Variants in FCHSD2 observed in about 807,000 individuals in gnomAD.
The protein encoded by FCHSD2 is FCH and double SH3 domains 2, also known as F-BAR and double SH3 domains protein 2.
A neutral mutation model predicts 108.1 loss-of-function variants in FCHSD2; 38 were observed. The observed-to-expected ratio is 0.35, with a 90% CI of 0.27 to 0.46. The LOEUF (loss-of-function observed/expected upper bound fraction) is 0.46, where lower values mean the gene tolerates loss of function less well. Ranked by LOEUF, FCHSD2 falls within the 20% of genes least tolerant of loss-of-function variation. The pLI, the probability that FCHSD2 is intolerant of heterozygous loss-of-function variation, is 1.00. For missense variants in FCHSD2, 751 were observed against 897.8 expected (o/e 0.84, Z 2.09); for synonymous variants, 279 against 314.7 (o/e 0.89, Z 1.20).
intron 3 of FCHSD2, among the ~76,000 whole-genome samples, chr11:73,019,757 AT>A (rs959795577): frequency 4.6e-5 from 7 of 152,174 alleles, no homozygotes; most frequent in Non-Finnish European, 7.4e-5. Context: ...AATATTGCAC[AT>A]TTCTGAAAGC....
At chr11:72,897,866 A>T (rs1855453916) in intron 10 of FCHSD2, among the ~76,000 whole-genome samples, 1 of 152,210 alleles carries the variant, frequency 6.6e-6, no homozygotes, top group South Asian at 2.1e-4. Context: ...ATTCTGCATT[A>T]AAAAGTCATT....
chr11:73,127,855 G>C (rs890473096), intron 2 of FCHSD2, among the ~76,000 whole-genome samples: 1 of 151,768 alleles, frequency 6.6e-6, no homozygotes, highest in Non-Finnish European at 1.5e-5. Flanking sequence ...GGGTTGGGGG[G>C]CGGGGGTGGG....
intron 8 of FCHSD2, among the ~76,000 whole-genome samples, chr11:72,975,699 A>C (rs1468519678): frequency 6.6e-6 from 1 of 152,166 alleles, no homozygotes; most frequent in Non-Finnish European, 1.5e-5. Context: ...TCATTTGATC[A>C]AAAAAAGTCT....
Position 72,902,619 on chromosome 11 carries a change from A to C in FCHSD2, c.848T>G (p.Leu283Arg). Reference protein sequence around the residue: ...NSSKVVRDYNLQLFLQENAVF... With the variant: ...NSSKVVRDYNRQLFLQENAVF... The stretch of plus-strand genomic sequence containing the variant: ...AGCGTTTTCTTGCAAAAACAGCTGA[A>C]GATTGTAGTCCCGGACCACCTAAAG... The change falls in exon 10 of 20, where the codon CTT becomes CGT. Residue 283 changes from leucine (L) to arginine (R), a missense_variant. Physicochemically the swap from Leu to Arg is moderately radical, Grantham distance 102. Coordinates refer to ENST00000409418, the MANE Select transcript of FCHSD2 (RefSeq NM_014824.3). The C allele has an allele frequency of 1.3e-6, 2 of 1,575,336 alleles. No homozygotes were observed. The highest frequency in any genetic ancestry group is 2.3e-5 in the East Asian group (1 of 43,630).
chr11:73,131,778 C>T (rs1861009853), intron 2 of FCHSD2, among the ~76,000 whole-genome samples: 1 of 151,684 alleles, frequency 6.6e-6, no homozygotes, highest in Admixed American at 6.6e-5. Flanking sequence ...TTATATTCTG[C>T]TAAGAAAAAA....
intron 3 of FCHSD2, among the ~76,000 whole-genome samples, chr11:73,071,978 G>A (rs902751676): frequency 2.6e-5 from 4 of 151,964 alleles, no homozygotes; most frequent in Non-Finnish European, 5.9e-5. Flanking sequence ...TAAGACAGAG[G>A]TGCCTATAAA....
rs1165257049 is a variant in FCHSD2 at position 72,849,757 on chromosome 11, T to C, written c.1441A>G (p.Lys481Glu). The part of the protein sequence containing the change: ...PLTCKVVYSY[K>E]ASQPDELTIE... ...CATTATGTTGGAGAAATACAAACCT[T>C]GTAGGAATAAACAACTTTGCAGGTG... The change falls in exon 14 of 20, where the codon AAG (lysine) becomes GAG (glutamate). Residue 481 changes from lysine to glutamate, a missense_variant and splice_region_variant. Coordinates refer to ENST00000409418, the MANE Select transcript of FCHSD2 (RefSeq NM_014824.3). 1.2e-6 allele frequency: 2 copies of C among 1,609,100 alleles called. No individual in the cohort carries two copies. The highest frequency in any genetic ancestry group is 1.7e-6 in the Non-Finnish European group (2 of 1,176,354).
chr11:73,084,495 A>G (rs949917747), intron 2 of FCHSD2, among the ~76,000 whole-genome samples: 1 of 151,954 alleles, frequency 6.6e-6, no homozygotes, highest in African/African-American at 2.4e-5. Flanking sequence ...GGCTCAAGAG[A>G]TCTTCCCACC....
At chr11:73,128,470 A>G (rs999893054) in intron 2 of FCHSD2, among the ~76,000 whole-genome samples, 2 of 152,178 alleles carry the variant, frequency 1.3e-5, no homozygotes, top group African/African-American at 4.8e-5. Context: ...ATGTTCAAGC[A>G]TATGACGCAA....
chr11:72,852,163 A>G (rs529381459), intron 13 of FCHSD2, among the ~76,000 whole-genome samples: 7 of 152,080 alleles, frequency 4.6e-5, no homozygotes, highest in Non-Finnish European at 1.0e-4. Flanking sequence ...TGCTAAGATT[A>G]TAGGAGTGAG....
intron 2 of FCHSD2, among the ~76,000 whole-genome samples, chr11:73,090,319 G>A (rs1482687688): frequency 2.7e-5 from 4 of 148,354 alleles, no homozygotes; most frequent in Non-Finnish European, 3.0e-5. Context: ...TCCACCTTCC[G>A]GGTTCACGCC....
At chr11:72,953,826 C>G (rs1856660900) in intron 8 of FCHSD2, among the ~76,000 whole-genome samples, 1 of 152,164 alleles carries the variant, frequency 6.6e-6, no homozygotes, top group South Asian at 2.1e-4. Flanking sequence ...TTCTGTGGCT[C>G]TCTGGCATTA....
chr11:72,930,246 C>T (rs1379150425), intron 8 of FCHSD2, among the ~76,000 whole-genome samples: 1 of 152,112 alleles, frequency 6.6e-6, no homozygotes, highest in African/African-American at 2.4e-5. Context: ...TATCTAATAG[C>T]TGCCGAAACA....
intron 8 of FCHSD2, among the ~76,000 whole-genome samples, chr11:72,978,003 C>T (rs1183121373): frequency 3.3e-5 from 5 of 152,134 alleles, no homozygotes; most frequent in South Asian, 4.1e-4. Context: ...GAGTTCATGT[C>T]CTTTGTAGGG....
chr11:72,958,877 A>G (rs941250849), intron 8 of FCHSD2, among the ~76,000 whole-genome samples: 1 of 152,222 alleles, frequency 6.6e-6, no homozygotes. Flanking sequence ...CTAGTCTGCC[A>G]AAACAACTTA....
chr11:73,122,236 T>A (rs1346569809), intron 2 of FCHSD2, among the ~76,000 whole-genome samples: 2 of 152,154 alleles, frequency 1.3e-5, no homozygotes, highest in African/African-American at 4.8e-5. Context: ...AATTTTATGT[T>A]TTCATCAAAG....
At chr11:73,088,854 A>C (rs891797292) in intron 2 of FCHSD2, among the ~76,000 whole-genome samples, 2 of 152,152 alleles carry the variant, frequency 1.3e-5, no homozygotes, top group African/African-American at 2.4e-5. Flanking sequence ...TATTTCACAA[A>C]AGATAAAAGG....
chr11:72,972,108 C>G (rs1857017874), intron 8 of FCHSD2, among the ~76,000 whole-genome samples: 1 of 152,094 alleles, frequency 6.6e-6, no homozygotes, highest in Non-Finnish European at 1.5e-5. Context: ...CCTCTTGTCA[C>G]CCTATACAAT....
intron 3 of FCHSD2, among the ~76,000 whole-genome samples, chr11:73,038,906 T>C (rs1160833973): frequency 1.3e-5 from 2 of 152,328 alleles, no homozygotes; most frequent in African/African-American, 2.4e-5. Context: ...AATTATGACA[T>C]GCCTCCCACT....
Sources: gnomAD v4.1 joint callset for allele counts (sites outside exome capture counted in the v4.1 genomes callset) on GRCh38, gnomAD v4.1.1 for gene constraint, MANE v1.5 for transcripts, NCBI Gene and HGNC (gene_info 2026-07-23, HGNC 2026-07-21) for gene names.